Variants in ARSF observed in about 807,000 individuals in gnomAD.
The protein encoded by ARSF is arylsulfatase F.
ARSF carries 33 observed loss-of-function variants against 35.4 expected under a neutral mutation model. That is an observed-to-expected ratio of 0.93 (90% CI 0.71 to 1.25). The LOEUF (loss-of-function observed/expected upper bound fraction) is 1.25. Ranked by LOEUF, ARSF falls within the 50% of genes most tolerant of loss-of-function variation. ARSF has a pLI of 0.00. For missense variants in ARSF, 501 were observed against 480.2 expected, an observed-to-expected ratio of 1.04 and a Z score of -0.40; for synonymous variants, 222 against 193.1, an observed-to-expected ratio of 1.15 and a Z score of -1.24.
intron 5 of ARSF, among the ~76,000 whole-genome samples, chrX:3,083,573 T>A (rs186240451): frequency 6.4e-4 from 71 of 111,032 alleles, no homozygotes; most frequent in Non-Finnish European, 7.2e-4. Context: ...CTCTATCATC[T>A]ATCTGCCTAT....
intron 7 of ARSF, among the ~76,000 whole-genome samples, chrX:3,098,344 AT>A (rs1280012232): frequency 9.6e-6 from 1 of 104,412 alleles, no homozygotes; most frequent in Non-Finnish European, 2.0e-5. Context: ...TTCATACAAT[AT>A]CAACCCAAAT....
Position 3,075,101 on chromosome X carries a change from G to A in ARSF, c.162-1447G>A, listed in dbSNP as rs752238808. ...GCAGGGAAATGTATCTATCAAACCA[G>A]TGAGTGGGTGGGTCTGTGAGTAGTT... On this transcript the variant is annotated intron_variant, in intron 3 of 10. Transcript: ENST00000381127. 5.3e-5 allele frequency among the ~76,000 whole-genome samples: 6 copies of A among 112,193 alleles called. No individual in the cohort carries two copies. The South Asian group carries it at 2.2e-3, about 42-fold the overall frequency.
At chrX:3,108,697 T>C (rs750103265) in intron 9 of ARSF, among the ~76,000 whole-genome samples, 2 of 112,053 alleles carry the variant, frequency 1.8e-5, no homozygotes, top group South Asian at 7.4e-4. Flanking sequence ...TTGTATCTGA[T>C]AGTAAATATA....
chrX:3,076,611 C>T lies in ARSF; in HGVS notation c.225C>T (p.Ala75=), dbSNP rs756020411. 1 of 1,211,360 alleles carries T rather than the reference C, an allele frequency of 8.3e-7. No individual in the cohort carries two copies. The highest frequency in any genetic ancestry group is 1.1e-6 in the Non-Finnish European group (1 of 895,423). ...GVRLTQHISA[A]SLCSPSRSAF... ...GACTGACTCAGCACATCTCTGCCGC[C>T]TCCCTCTGCAGCCCAAGCCGGTCCG... The change falls in exon 4 of 11, where the codon GCC becomes GCT. Residue 75 remains alanine (A), a synonymous_variant. Transcript: ENST00000381127.
chrX:3,060,904 A>G (rs1462262725), intron 1 of ARSF, among the ~76,000 whole-genome samples: 4 of 112,057 alleles, frequency 3.6e-5, no homozygotes, highest in African/African-American at 1.3e-4. Flanking sequence ...GATATTATCC[A>G]GGAGAACTTC....
In ARSF at chrX:3,084,548, A is replaced by G. The variant is rs1218536414; in HGVS notation, c.712A>G (p.Thr238Ala). The G allele has an allele frequency of 8.3e-7, 1 of 1,211,586 alleles. No individual in the cohort carries two copies. Among genetic ancestry groups the G allele is most frequent in the Non-Finnish European group, 1.1e-6 (1 of 895,534 alleles). ...GGGCTATGCTTGGTTCTCCAGCCAC[A>G]CGTCCCCTTTATACTGGGACTGCCT... ...LLGYAWFSSH[T>A]SPLYWDCLLM... Residue 238 changes from threonine to alanine, a missense_variant, in exon 6 of 11, where the codon ACG becomes GCG. By Grantham distance (58) the Thr-to-Ala change is moderately conservative. Transcript: ENST00000381127.
intron 10 of ARSF, among the ~76,000 whole-genome samples, chrX:3,111,501 C>G (rs1285405289): frequency 9.0e-6 from 1 of 110,738 alleles, no homozygotes; most frequent in Admixed American, 9.7e-5. Flanking sequence ...TGAATATCCT[C>G]CTTCTAGCTA....
chrX:3,049,492 C>T (rs990583379), intron 1 of ARSF, among the ~76,000 whole-genome samples: 1 of 111,958 alleles, frequency 8.9e-6, no homozygotes, highest in Non-Finnish European at 1.9e-5. Flanking sequence ...TCTCCTTTGA[C>T]CCACACCTGT....
At chrX:3,043,953 T>C (rs1269403833) in intron 1 of ARSF, among the ~76,000 whole-genome samples, 1 of 110,487 alleles carries the variant, frequency 9.1e-6, no homozygotes, top group East Asian at 2.9e-4. Context: ...GCCCAGCTAA[T>C]TTTTTGTATT....
chrX:3,070,312 T>G (rs1292153260), intron 2 of ARSF, among the ~76,000 whole-genome samples: 3 of 111,515 alleles, frequency 2.7e-5, no homozygotes, highest in Non-Finnish European at 5.6e-5. Context: ...GACACTGAGG[T>G]TGATTTCACA....
chrX:3,106,434 A>G (rs760143604), intron 9 of ARSF, among the ~76,000 whole-genome samples: 2 of 111,892 alleles, frequency 1.8e-5, no homozygotes, highest in East Asian at 5.6e-4. Context: ...TGTACTACGT[A>G]GAAGGGAACA....
Position 3,069,544 on chromosome X carries a change from C to T in ARSF, c.11+1433C>T, listed in dbSNP as rs1395076809. Among the ~76,000 whole-genome samples the T allele has an allele frequency of 9.0e-5, 10 of 110,517 alleles. No individual in the cohort carries two copies. In the East Asian group the frequency reaches 1.7e-3, roughly 19 times the overall value. On this transcript the variant is annotated intron_variant, in intron 2 of 10. Transcript: ENST00000381127. ...CTCACTATGTTACCCAGGCTGGTGA[C>T]GAACTGATTCTCCTGCCTCAGCCCC...
intron 1 of ARSF, among the ~76,000 whole-genome samples, chrX:3,056,407 T>C (rs917086739): frequency 9.2e-6 from 1 of 108,813 alleles, no homozygotes; most frequent in Non-Finnish European, 1.9e-5. Flanking sequence ...TCCTGAGTAG[T>C]TGGGATTACA....
intron 7 of ARSF, 145 bp downstream of exon 7, chrX:3,089,777 C>T (rs1487672793): frequency 1.7e-6 from 1 of 604,283 alleles, no homozygotes; most frequent in Non-Finnish European, 2.5e-6. Flanking sequence ...GTAATAGTTG[C>T]TAGCAATTGA....
Position 3,110,144 on chromosome X carries a change from G to T in ARSF, c.1282G>T (p.Asp428Tyr), listed in dbSNP as rs1283749524. 8.4e-7 allele frequency: 1 copy of T among 1,192,521 alleles called. No individual in the cohort carries two copies. Among genetic ancestry groups the T allele is most frequent in the Non-Finnish European group, 1.1e-6 (1 of 885,139 alleles). The change falls in exon 10 of 11, where the codon GAC becomes TAC. Residue 428 changes from aspartate (D) to tyrosine (Y), a missense_variant. By Grantham distance (160) the Asp-to-Tyr change is radical (BLOSUM62 -3). Transcript: ENST00000381127. ...LPQDRVIDGR[D>Y]LMPLLQGNVR... ...TCTCTGCAGGGTCATTGACGGCCGA[G>T]ACCTCATGCCCTTGCTGCAGGGCAA... is the stretch of plus-strand genomic sequence containing the variant.
Position 3,084,567 on chromosome X carries a change from A to C in ARSF, c.731A>C (p.Asp244Ala), listed in dbSNP as rs2090232027. The change falls in exon 6 of 11, where the codon GAC (aspartate) becomes GCC (alanine). Residue 244 changes from aspartate (D) to alanine (A), a missense_variant. Coordinates refer to ENST00000381127, the MANE Select transcript of ARSF (RefSeq NM_001201539.2). ...AGCCACACGTCCCCTTTATACTGGGACTGCCTCCTCATGCGGGGGCACGAG... is the reference window on the plus strand; with the variant it reads ...AGCCACACGTCCCCTTTATACTGGGCCTGCCTCCTCATGCGGGGGCACGAG... Reference protein sequence around the residue: ...FSSHTSPLYWDCLLMRGHEIT... With the variant: ...FSSHTSPLYWACLLMRGHEIT... 1 of 1,209,441 alleles carries C rather than the reference A, an allele frequency of 8.3e-7. No homozygotes were observed. Among genetic ancestry groups the C allele is most frequent in the Non-Finnish European group, 1.1e-6 (1 of 895,123 alleles).
chrX:3,082,605 C>T (rs1179844199), intron 5 of ARSF, among the ~76,000 whole-genome samples: 1 of 111,189 alleles, frequency 9.0e-6, no homozygotes, highest in African/African-American at 3.3e-5. Flanking sequence ...CACCCATCCA[C>T]CCATATATCT....
At chrX:3,091,514 T>G (rs2090289927) in intron 7 of ARSF, among the ~76,000 whole-genome samples, 1 of 112,660 alleles carries the variant, frequency 8.9e-6, no homozygotes. Context: ...AAGTATAATA[T>G]TTTCCAGACA....
chrX:3,066,453 T>G (rs1482821676), intron 1 of ARSF, among the ~76,000 whole-genome samples: 1 of 111,526 alleles, frequency 9.0e-6, no homozygotes, highest in East Asian at 2.8e-4. Context: ...CCTGAGGCAC[T>G]GCTATAGACC....
Sources: gnomAD v4.1 joint callset for allele counts (sites outside exome capture counted in the v4.1 genomes callset) on GRCh38, gnomAD v4.1.1 for gene constraint, MANE v1.5 for transcripts, NCBI Gene and HGNC (gene_info 2026-07-23, HGNC 2026-07-21) for gene names.